The following SLC39A12 variants were observed in gnomAD, a reference collection of about 807,000 sequenced individuals.
SLC39A12 encodes the protein solute carrier family 39 member 12.
In SLC39A12, 63 loss-of-function variants were observed where a neutral mutation model predicts 71.1. That is an observed-to-expected ratio of 0.89 (90% CI 0.72 to 1.09). The LOEUF (loss-of-function observed/expected upper bound fraction) is 1.09. Among genes scored for constraint, SLC39A12 ranks in the 50% least tolerant of loss-of-function variants. The probability of loss-of-function intolerance (pLI) is 0.00; values close to 1 mark genes in which losing one functional copy is unlikely to be tolerated. For synonymous variants in SLC39A12, 351 were observed against 301.3 expected, an observed-to-expected ratio of 1.16 and a Z score of -1.71; for missense variants, 892 against 812.6, an observed-to-expected ratio of 1.10 and a Z score of -1.19.
chr10:17,955,891 C>T (rs923905514), intron 2 of SLC39A12, among the ~76,000 whole-genome samples: 3 of 152,010 alleles, frequency 2.0e-5, no homozygotes, highest in Non-Finnish European at 4.4e-5. Context: ...TAAATAACTC[C>T]AAAACAATAC....
At chr10:17,970,674 T>TTGTGTGTGTGTG (rs61528284) in intron 4 of SLC39A12, among the ~76,000 whole-genome samples, 3 of 145,420 alleles carry the variant, frequency 2.1e-5, no homozygotes, top group African/African-American at 7.6e-5. Flanking sequence ...TTCTAATAGT[T>TTGTGTGTGTGTG]TGTGTGTGTG....
chr10:17,981,231 A>G lies in SLC39A12; in HGVS notation c.925-81A>G. 3.2e-6 allele frequency: 4 copies of G among 1,266,830 alleles called. No individual in the cohort carries two copies. In the South Asian group the frequency reaches 5.0e-5, roughly 16 times the overall value. 78.5% of individuals were successfully genotyped at this position (1,266,830 alleles called of 1,614,324 possible). A position where few individuals can be genotyped will look rare whatever the true frequency, so the allele number is the denominator to read the frequency against. On this transcript the variant is annotated intron_variant, in intron 5 of 12. Transcript: ENST00000377369. ...GTTCTCGCTATTCCATCTAGAATTC[A>G]CTCCTCAAGGATGACAACTGGTGGA...
chr10:18,030,772 C>T (rs1351315578), intron 12 of SLC39A12, among the ~76,000 whole-genome samples: 114 of 143,840 alleles, frequency 7.9e-4, no homozygotes, highest in Non-Finnish European at 1.6e-3. Flanking sequence ...GGTATATCTC[C>T]CAATGCTATC....
rs921083948 is a variant in SLC39A12, at chr10:17,993,359, A to C, written c.1533+68A>C. Reference sequence around the variant, plus strand: ...CTCTCCTTTATTCCTCAATGAACAAATGAAAATCAGTAGGGTAGATAAACA... The same window carrying C: ...CTCTCCTTTATTCCTCAATGAACAACTGAAAATCAGTAGGGTAGATAAACA... On this transcript the variant is annotated intron_variant, in intron 9 of 12. Coordinates refer to ENST00000377369, the MANE Select transcript of SLC39A12 (RefSeq NM_001145195.2). 41 of 1,090,918 alleles carry C rather than the reference A, an allele frequency of 3.8e-5. No homozygotes were observed. The African/African-American group carries it at 6.3e-4, about 17-fold the overall frequency. The allele number at this position is 1,090,918 out of a possible 1,614,324, so 67.6% of individuals were successfully genotyped here.
chr10:17,999,569 AGAAG>A, intron 10 of SLC39A12, among the ~76,000 whole-genome samples: 1 of 151,696 alleles, frequency 6.6e-6, no homozygotes, highest in South Asian at 2.1e-4. Context: ...CTTTCAGAAC[AGAAG>A]TTCTGTCCAT....
At chr10:18,013,778 G>A (rs574007881) in intron 12 of SLC39A12, among the ~76,000 whole-genome samples, 11 of 152,234 alleles carry the variant, frequency 7.2e-5, no homozygotes, top group Non-Finnish European at 1.0e-4. Context: ...AATTGATCAC[G>A]TGTGCAAGAC....
chr10:18,037,879 G>T (rs540299978), intron 12 of SLC39A12, among the ~76,000 whole-genome samples: 1 of 151,880 alleles, frequency 6.6e-6, no homozygotes, highest in South Asian at 2.1e-4. Flanking sequence ...AATTAGCCAG[G>T]CATGGTGGTG....
chr10:17,990,998 C>T (rs1440963995), intron 7 of SLC39A12, among the ~76,000 whole-genome samples, 153 bp from the exon 8 acceptor site: 1 of 152,178 alleles, frequency 6.6e-6, no homozygotes, highest in East Asian at 1.9e-4. Context: ...CAAAAGCAAA[C>T]TGGACTTTTA....
At chr10:17,967,897 AAATAT>A (rs1419441612) in intron 4 of SLC39A12, among the ~76,000 whole-genome samples, 1,298 of 104,748 alleles carry the variant, frequency 0.012, 19 homozygotes, top group African/African-American at 0.046. Flanking sequence ...AAAAAAAAAA[AAATAT>A]ATATATATAT....
intron 12 of SLC39A12, among the ~76,000 whole-genome samples, chr10:18,029,259 GA>G (rs1210121941): frequency 6.6e-6 from 1 of 152,162 alleles, no homozygotes; most frequent in African/African-American, 2.4e-5. Context: ...TTAGGTAACA[GA>G]ACTTGCGAGG....
At chr10:17,961,054 T>C (rs1186759476) in intron 2 of SLC39A12, among the ~76,000 whole-genome samples, 1 of 152,110 alleles carries the variant, frequency 6.6e-6, no homozygotes, top group African/African-American at 2.4e-5. Context: ...GTTGGGAATC[T>C]TTAGGAAGGT....
chr10:18,017,497 C>T (rs1186390935), intron 12 of SLC39A12, among the ~76,000 whole-genome samples: 2 of 152,056 alleles, frequency 1.3e-5, no homozygotes, highest in African/African-American at 2.4e-5. Context: ...TTAGTAGAGA[C>T]GGGGTTTCAC....
intron 12 of SLC39A12, among the ~76,000 whole-genome samples, chr10:18,010,036 A>C (rs975388434): frequency 3.3e-5 from 5 of 152,294 alleles, no homozygotes; most frequent in African/African-American, 1.2e-4. Context: ...TATAAAATTA[A>C]ACTAAACTAG....
intron 2 of SLC39A12, among the ~76,000 whole-genome samples, chr10:17,959,955 C>T (rs1414921838): frequency 6.6e-6 from 1 of 152,054 alleles, no homozygotes; most frequent in Non-Finnish European, 1.5e-5. Context: ...AGAAATAGCA[C>T]ACACATTTGA....
At position 18,024,790 on chromosome 10, in the gene SLC39A12, G is replaced by C. The variant is rs570265839; in HGVS notation, c.1948-17915G>C. ...GTCTCACATATTTTAATGCTGTCTT[G>C]GTAGGTACATACACATTAAGGATTT... On this transcript the variant is annotated intron_variant, in intron 12 of 12. Transcript: ENST00000377369. Among the ~76,000 whole-genome samples, 19 of 152,018 alleles carry C rather than the reference G, an allele frequency of 1.2e-4. No homozygotes were observed. In the South Asian group the frequency reaches 3.9e-3, roughly 32 times the overall value.
intron 11 of SLC39A12, chr10:18,002,135 G>A (rs16916744): frequency 0.033 from 4,952 of 152,190 alleles, 128 homozygotes; most frequent in South Asian, 0.08. Context: ...TAGAACAGAC[G>A]TTTCTGAAAC....
chr10:17,991,823 T>C (rs1200268035), intron 8 of SLC39A12, among the ~76,000 whole-genome samples: 1 of 152,146 alleles, frequency 6.6e-6, no homozygotes, highest in Non-Finnish European at 1.5e-5. Context: ...GCGCTGTGGC[T>C]CATGCCTGTA....
chr10:18,036,763 TATATATATATATATATATATATATA>T (rs1200761100), intron 12 of SLC39A12, among the ~76,000 whole-genome samples: 6 of 8,702 alleles, frequency 6.9e-4, no homozygotes, highest in East Asian at 2.6e-3. Flanking sequence ...TATATATATA[TATATATATATATATATATATATATA>T]TATATATTTT....
intron 12 of SLC39A12, among the ~76,000 whole-genome samples, chr10:18,041,732 T>C (rs28624819): frequency 1.5e-3 from 206 of 139,406 alleles, no homozygotes; most frequent in African/African-American, 5.4e-3. Context: ...TATATGTGTA[T>C]ATATGTATAT....
Sources: gnomAD v4.1 joint callset for allele counts (sites outside exome capture counted in the v4.1 genomes callset) on GRCh38, gnomAD v4.1.1 for gene constraint, MANE v1.5 for transcripts, NCBI Gene and HGNC (gene_info 2026-07-23, HGNC 2026-07-21) for gene names.